Variants in NRAS observed in about 807,000 individuals in gnomAD.
NRAS encodes the protein NRAS proto-oncogene, GTPase.
In NRAS, 6 loss-of-function variants were observed where a neutral mutation model predicts 21.3. That is an observed-to-expected ratio of 0.28 (90% confidence interval 0.15 to 0.56). NRAS has a LOEUF of 0.56. Ranked by LOEUF, NRAS falls within the 20% of genes least tolerant of loss-of-function variation. NRAS has a pLI of 0.93. For missense variants in NRAS, 143 were observed against 231.3 expected (o/e 0.62, Z 2.48); for synonymous variants, 84 against 82.0 (o/e 1.02, Z -0.13).
chr1:114,711,033 G>A (rs9724634), intron 3 of NRAS, among the ~76,000 whole-genome samples: 1,553 of 152,296 alleles, frequency 0.01, 17 homozygotes, highest in Middle Eastern at 0.054. Flanking sequence ...AGCTGGGCAT[G>A]GTGACTCCCG....
chr1:114,711,528 G>A (rs193122108), intron 3 of NRAS, among the ~76,000 whole-genome samples: 2 of 151,598 alleles, frequency 1.3e-5, no homozygotes, highest in South Asian at 4.2e-4. Flanking sequence ...TCGAACCCGG[G>A]AGGCGGAGGT....
intron 2 of NRAS, among the ~76,000 whole-genome samples, chr1:114,715,117 C>T (rs938613069): frequency 8.6e-5 from 13 of 151,930 alleles, no homozygotes; most frequent in African/African-American, 2.9e-4. Context: ...CACCCTCTGC[C>T]TCTGGTTCAA....
chr1:114,711,443 CA>C lies in NRAS; in HGVS notation c.291-1716del, dbSNP rs373859089. 8.5e-3 allele frequency among the ~76,000 whole-genome samples: 1,285 copies of C among 150,948 alleles called. 17 individuals carry two copies. The highest frequency in any genetic ancestry group is 0.029 in the African/African-American group (1,209 of 41,154). The stretch of plus-strand genomic sequence containing the variant: ...TGAAACCCCAAGTCTACTAAAAATA[CA>C]AAAAAAATTAGTCAGGCATGGTGGT... On this transcript the variant is annotated intron_variant, in intron 3 of 6. Coordinates refer to ENST00000369535, the MANE Select transcript of NRAS (RefSeq NM_002524.5).
intron 4 of NRAS, among the ~76,000 whole-genome samples, chr1:114,709,249 C>A (rs1240340100): frequency 6.6e-6 from 1 of 152,018 alleles, no homozygotes. Context: ...CCAGCCTGGG[C>A]AACATGGTAA....
At position 114,713,724 on chromosome 1, in the gene NRAS, G is replaced by C. The variant is rs1414690979; in HGVS notation, c.290+76C>G. The C allele has an allele frequency of 1.1e-5, 14 of 1,241,058 alleles. No homozygotes were observed. In the Admixed American group the frequency reaches 1.7e-4, roughly 15 times the overall value. 76.9% of individuals were successfully genotyped at this position (1,241,058 alleles called of 1,614,324 possible). ...TAATTAAAAAGCTCTATCTTCCCTA[G>C]TGTGGTAACCTCATTTCCCCATAAA... is the stretch of plus-strand genomic sequence containing the variant. On this transcript the variant is annotated intron_variant, in intron 3 of 6. Coordinates refer to ENST00000369535, the MANE Select transcript of NRAS (RefSeq NM_002524.5).
intron 2 of NRAS, 28 bp from the exon 3 acceptor site, chr1:114,714,006 G>A (rs2101742285): frequency 8.1e-7 from 1 of 1,236,112 alleles, no homozygotes; most frequent in Non-Finnish European, 1.2e-6. Context: ...AAGGGGGCAG[G>A]GAGGGAGGGA....
At chr1:114,709,524 C>G (rs1658994388) in intron 4 of NRAS, 45 bp downstream of exon 4, 1 of 1,496,488 alleles carries the variant, frequency 6.7e-7, no homozygotes, top group East Asian at 2.3e-5. Flanking sequence ...CAGAGTTAAT[C>G]AACTGATGCA....
intron 3 of NRAS, among the ~76,000 whole-genome samples, chr1:114,710,734 T>C (rs1242814518): frequency 2.6e-5 from 4 of 152,190 alleles, no homozygotes; most frequent in Non-Finnish European, 5.9e-5. Flanking sequence ...TGCTTTAGAC[T>C]TGTTGCAGCA....
At position 114,713,780 on chromosome 1, in the gene NRAS, G is replaced by A. The variant is rs2101741681; in HGVS notation, c.290+20C>T. The A allele has an allele frequency of 6.3e-7, 1 of 1,597,474 alleles. No individual in the cohort carries two copies. Among genetic ancestry groups the A allele is most frequent in the Non-Finnish European group, 8.6e-7 (1 of 1,164,866 alleles). On this transcript the variant is annotated intron_variant, in intron 3 of 6. Coordinates refer to ENST00000369535, the MANE Select transcript of NRAS (RefSeq NM_002524.5). ...AGAACACAAAGATCATCCTTTCAGA[G>A]AAAATAATGCTCCTAGTACCTGTAG... is the stretch of plus-strand genomic sequence containing the variant.
rs566221968 is a variant in NRAS at position 114,715,921 on chromosome 1, A to G, written c.111+129T>C. On this transcript the variant is annotated intron_variant, in intron 2 of 6. Transcript: ENST00000369535. ...TCTATAAACACGTTAAGCTTATTGC[A>G]TAACTGAATGTATACCCAAAATAAC... 6.9e-6 allele frequency: 5 copies of G among 721,114 alleles called. No individual in the cohort carries two copies. The African/African-American group carries it at 7.0e-5, about 10-fold the overall frequency. 44.7% of individuals were successfully genotyped at this position (721,114 alleles called of 1,614,324 possible).
Position 114,707,601 on chromosome 1 carries a change from CAAT to C in NRAS, c.*490_*492del, listed in dbSNP as rs1356150311. On this transcript the variant is annotated 3_prime_UTR_variant, in exon 7 of 7. Coordinates refer to ENST00000369535, the MANE Select transcript of NRAS (RefSeq NM_002524.5). ...ATAACATTATAAACAAACCAAACAG[CAAT>C]AATAACTATATTCTTGGCAAAACAG... 1 of 152,462 alleles carries C rather than the reference CAAT, an allele frequency of 6.6e-6. No homozygotes were observed. The highest frequency in any genetic ancestry group is 1.5e-5 in the Non-Finnish European group (1 of 68,016). 9.4% of individuals were successfully genotyped at this position (152,462 alleles called of 1,614,324 possible).
intron 2 of NRAS, among the ~76,000 whole-genome samples, chr1:114,714,571 A>G (rs1455699822): frequency 2.0e-5 from 3 of 152,190 alleles, no homozygotes; most frequent in African/African-American, 7.2e-5. Flanking sequence ...AAACATGCAT[A>G]GATCATATAA....
At chr1:114,710,242 TTA>T (rs1659013839) in intron 3 of NRAS, among the ~76,000 whole-genome samples, 1 of 12,952 alleles carries the variant, frequency 7.7e-5, no homozygotes. Context: ...TAAATATATA[TTA>T]TATATATTAT....
intron 3 of NRAS, 44 bp downstream of exon 3, chr1:114,713,756 G>T (rs747960131): frequency 1.1e-5 from 16 of 1,509,968 alleles, no homozygotes; most frequent in Middle Eastern, 1.7e-4. Flanking sequence ...TAAAGATTCA[G>T]AACACAAAGA....
At chr1:114,715,321 G>A (rs181568015) in intron 2 of NRAS, among the ~76,000 whole-genome samples, 4 of 152,166 alleles carry the variant, frequency 2.6e-5, no homozygotes, top group East Asian at 1.9e-4. Context: ...CACCGTGTCC[G>A]GCAAAACCCT....
chr1:114,714,799 A>G (rs1176643783), intron 2 of NRAS, among the ~76,000 whole-genome samples: 1 of 152,186 alleles, frequency 6.6e-6, no homozygotes, highest in East Asian at 1.9e-4. Flanking sequence ...ATTTAAAAAT[A>G]TTTAATTAAA....
At chr1:114,714,062 A>C in intron 2 of NRAS, 84 bp from the exon 3 acceptor site, 1 of 842,242 alleles carries the variant, frequency 1.2e-6, no homozygotes, top group South Asian at 1.7e-5. Flanking sequence ...TGCTATTGCC[A>C]AGGTTAAATA....
chr1:114,712,817 A>G (rs1659075660), intron 3 of NRAS, among the ~76,000 whole-genome samples: 1 of 152,254 alleles, frequency 6.6e-6, no homozygotes. Flanking sequence ...TCCATATTAT[A>G]GGTTAGGAAA....
At chr1:114,716,626 A>G in intron 1 of NRAS, 32 bp downstream of exon 1, 1 of 295,604 alleles carries the variant, frequency 3.4e-6, no homozygotes, top group South Asian at 3.2e-5. Flanking sequence ...TCCACAGCCC[A>G]AAGCCGAACA....
Sources: gnomAD v4.1 joint callset for allele counts (sites outside exome capture counted in the v4.1 genomes callset) on GRCh38, gnomAD v4.1.1 for gene constraint, MANE v1.5 for transcripts, NCBI Gene and HGNC (gene_info 2026-07-23, HGNC 2026-07-21) for gene names.